Variants in PXMP4 observed in about 807,000 individuals in gnomAD.
PXMP4 encodes the protein 24 kDa peroxisomal intrinsic membrane protein.
A neutral mutation model predicts 21.6 loss-of-function variants in PXMP4; 16 were observed. That is an observed-to-expected ratio of 0.74 (90% CI 0.50 to 1.13). The LOEUF (loss-of-function observed/expected upper bound fraction) is 1.13. Ranked by LOEUF, PXMP4 falls within the 50% of genes most tolerant of loss-of-function variation. The pLI, the probability that PXMP4 is intolerant of heterozygous loss-of-function variation, is 0.00. For missense variants in PXMP4, 240 were observed against 277.7 expected, an observed-to-expected ratio of 0.86 and a Z score of 0.96; for synonymous variants, 127 against 123.8, an observed-to-expected ratio of 1.03 and a Z score of -0.17.
chr20:33,714,661 G>C lies in PXMP4; in HGVS notation c.176+13C>G. 6.2e-7 allele frequency: 1 copy of C among 1,612,934 alleles called. No homozygotes were observed. Among genetic ancestry groups the C allele is most frequent in the Non-Finnish European group, 8.5e-7 (1 of 1,178,894 alleles). The stretch of plus-strand genomic sequence containing the variant: ...GGCTGACCACATTCTCTCCCAGTTT[G>C]AGGGATGTGTACCTGCCATTCCGGA... On this transcript the variant is annotated intron_variant, in intron 2 of 3. Coordinates refer to ENST00000409299, the MANE Select transcript of PXMP4 (RefSeq NM_007238.5).
Position 33,710,598 on chromosome 20 carries a change from C to T in PXMP4, c.332G>A (p.Gly111Glu), listed in dbSNP as rs1314909865. 2 of 1,613,272 alleles carry T rather than the reference C, an allele frequency of 1.2e-6. No individual in the cohort carries two copies. The highest frequency in any genetic ancestry group is 8.5e-7 in the Non-Finnish European group (1 of 1,179,652). ...PAHAFLAAFL[G>E]GILVFGENNN... ...GTTTTCTCCAAACACCAGGATACCC[C>T]CGAGGAAGGCCGCCAGGAATGCGTG... is the stretch of plus-strand genomic sequence containing the variant. Residue 111 changes from glycine to glutamate, a missense_variant, in exon 3 of 4, where the codon GGG (glycine) becomes GAG (glutamate). Physicochemically the swap from Gly to Glu is moderately conservative, Grantham distance 98 (BLOSUM62 -2). Transcript: ENST00000409299.
intron 3 of PXMP4, among the ~76,000 whole-genome samples, chr20:33,709,523 A>G (rs975542201): frequency 2.0e-5 from 3 of 152,104 alleles, no homozygotes; most frequent in Non-Finnish European, 2.9e-5. Context: ...CCCAGAGAGC[A>G]GCACATGCAT....
At chr20:33,719,432 C>A (rs1348186457) in intron 1 of PXMP4, among the ~76,000 whole-genome samples, 1 of 152,164 alleles carries the variant, frequency 6.6e-6, no homozygotes, top group Non-Finnish European at 1.5e-5. Context: ...TCTGCTTTGT[C>A]CCCGGTTCTG....
At chr20:33,717,039 G>A (rs1475812053) in intron 1 of PXMP4, among the ~76,000 whole-genome samples, 1 of 152,068 alleles carries the variant, frequency 6.6e-6, no homozygotes, top group African/African-American at 2.4e-5. Context: ...TTAGCTGGGT[G>A]TGGTGGCAGG....
chr20:33,717,660 T>TAAAAAAAAAAAAAAAAAAAA (rs2018398410), intron 1 of PXMP4, among the ~76,000 whole-genome samples: 1 of 109,056 alleles, frequency 9.2e-6, no homozygotes, highest in African/African-American at 4.1e-5. Context: ...AAAAAAAAAT[T>TAAAAAAAAAAAAAAAAAAAA]ATTAAATATT....
chr20:33,713,881 G>C (rs2626543), intron 2 of PXMP4, among the ~76,000 whole-genome samples: 5,356 of 152,272 alleles, frequency 0.035, 338 homozygotes, highest in African/African-American at 0.12. Context: ...CTTGAGGGAA[G>C]AGCTACGGGA....
intron 3 of PXMP4, among the ~76,000 whole-genome samples, chr20:33,710,307 TCTC>T (rs772949581): frequency 2.9e-5 from 4 of 136,168 alleles, no homozygotes; most frequent in Admixed American, 7.5e-5. Flanking sequence ...CCACACCTCT[TCTC>T]CTACTCCTAC....
intron 3 of PXMP4, among the ~76,000 whole-genome samples, chr20:33,710,319 A>G (rs1323427220): frequency 2.4e-5 from 3 of 125,936 alleles, no homozygotes; most frequent in Admixed American, 8.3e-5. Context: ...TCCTACTCCT[A>G]CCTCTACACT....
intron 1 of PXMP4, among the ~76,000 whole-genome samples, chr20:33,719,145 C>T (rs1442719453): frequency 2.0e-5 from 3 of 152,356 alleles, no homozygotes; most frequent in East Asian, 1.9e-4. Flanking sequence ...ATCCGCCTGC[C>T]TCGGCCTCCC....
chr20:33,714,851 G>T, intron 1 of PXMP4, 115 bp from the exon 2 acceptor site: 1 of 1,015,658 alleles, frequency 9.8e-7, no homozygotes, highest in Non-Finnish European at 1.6e-6. Context: ...CACCACTTTG[G>T]GAGGGGAAAT....
rs986715498 is a variant in PXMP4, at chr20:33,711,820, C to T, written c.177-1067G>A. ...CAGCCTGGGCAACATAATGAGACCTCGTCTCTATAAAAAATAGAAAAAATT... is the reference window on the plus strand; with the variant it reads ...CAGCCTGGGCAACATAATGAGACCTTGTCTCTATAAAAAATAGAAAAAATT... On this transcript the variant is annotated intron_variant, in intron 2 of 3. Transcript: ENST00000409299. Among the ~76,000 whole-genome samples, 4 of 151,866 alleles carry T rather than the reference C, an allele frequency of 2.6e-5. No homozygotes were observed. The East Asian group carries it at 7.7e-4, about 29-fold the overall frequency.
intron 1 of PXMP4, among the ~76,000 whole-genome samples, chr20:33,718,307 G>A (rs1212515822): frequency 2.0e-5 from 3 of 151,922 alleles, no homozygotes; most frequent in African/African-American, 4.8e-5. Context: ...TCAGGAGATC[G>A]AGCCCATCCT....
chr20:33,712,235 A>C (rs1472637798), intron 2 of PXMP4, among the ~76,000 whole-genome samples: 1 of 152,146 alleles, frequency 6.6e-6, no homozygotes, highest in Non-Finnish European at 1.5e-5. Flanking sequence ...TTCCATGTGG[A>C]ATCTACCAGT....
intron 2 of PXMP4, 102 bp from the exon 3 acceptor site, chr20:33,710,855 A>G (rs2018319190): frequency 8.5e-7 from 1 of 1,183,016 alleles, no homozygotes; most frequent in African/African-American, 1.5e-5. Context: ...AGCTCGGAGT[A>G]ATGCTCATTC....
At chr20:33,710,267 C>T (rs2018311066) in intron 3 of PXMP4, among the ~76,000 whole-genome samples, 1 of 150,322 alleles carries the variant, frequency 6.7e-6, no homozygotes, top group Non-Finnish European at 1.5e-5. Context: ...AGAACCACGC[C>T]CTTTCCCCCA....
Position 33,720,178 on chromosome 20 carries a change from C to CA in PXMP4, c.29dup (p.Leu11AlafsTer21), listed in dbSNP as rs770682673. On this transcript the variant is annotated frameshift_variant, in exon 1 of 4. Transcript: ENST00000409299. LOFTEE classifies it high-confidence loss of function. ...GCAGCAGTGCGTTGACGACTACGAG[C>CA]AGAGCCCTTAGCTGCGGCGGGGCTG... The CA allele has an allele frequency of 9.4e-5, 151 of 1,613,114 alleles. No homozygotes were observed. The highest frequency in any genetic ancestry group is 1.3e-4 in the Non-Finnish European group (150 of 1,179,846).
At chr20:33,714,492 G>A (rs1601207314) in intron 2 of PXMP4, among the ~76,000 whole-genome samples, 182 bp downstream of exon 2, 3 of 152,012 alleles carry the variant, frequency 2.0e-5, no homozygotes, top group Middle Eastern at 3.4e-3. Flanking sequence ...ACTCTGACCT[G>A]GGTGACAGAG....
At chr20:33,716,281 T>C (rs561175495) in intron 1 of PXMP4, among the ~76,000 whole-genome samples, 1 of 152,322 alleles carries the variant, frequency 6.6e-6, no homozygotes, top group Admixed American at 6.5e-5. Context: ...CCTTGGCCCC[T>C]GCTCACTGCT....
intron 3 of PXMP4, among the ~76,000 whole-genome samples, chr20:33,709,836 G>A (rs2018303074): frequency 2.0e-5 from 2 of 101,302 alleles, no homozygotes; most frequent in African/African-American, 7.7e-5. Flanking sequence ...ACTGAACCAC[G>A]TCCCCTTCCC....
Sources: allele counts gnomAD v4.1 joint callset (sites outside exome capture counted in the v4.1 genomes callset), GRCh38; gene constraint gnomAD v4.1.1; transcripts MANE v1.5; gene names NCBI Gene and HGNC (gene_info 2026-07-23, HGNC 2026-07-21).